CCSER1: variants seen among roughly 807,000 people sequenced by gnomAD.
CCSER1 encodes serine-rich coiled-coil domain-containing protein 1.
Under a neutral mutation model 82.0 loss-of-function variants are expected in CCSER1, and 41 were observed. That is an observed-to-expected ratio of 0.50 (90% CI 0.39 to 0.65). The LOEUF (loss-of-function observed/expected upper bound fraction) is 0.65. CCSER1 is among the 30% of genes least tolerant of loss of function. CCSER1 has a pLI of 0.00. For synonymous variants in CCSER1, 414 were observed against 383.9 expected (o/e 1.08, Z -0.92); for missense variants, 1,119 against 1,064.2 (o/e 1.05, Z -0.72).
In CCSER1 at chr4:90,179,872, T is replaced by C. The variant is rs1733398602; in HGVS notation, c.-42+52041T>C. On this transcript the variant is annotated intron_variant, in intron 1 of 10. Coordinates refer to ENST00000509176, the MANE Select transcript of CCSER1 (RefSeq NM_001145065.2). ...CTTAAGAACCTTTCATGGTTTTGTT[T>C]CTATGCGGATTTGGAACTTTCATGG... 2.0e-5 allele frequency among the ~76,000 whole-genome samples: 3 copies of C among 152,284 alleles called. No individual in the cohort carries two copies. The South Asian group carries it at 6.2e-4, about 32-fold the overall frequency.
chr4:90,210,756 A>G (rs903572561), intron 1 of CCSER1, among the ~76,000 whole-genome samples: 3 of 152,192 alleles, frequency 2.0e-5, no homozygotes, highest in Non-Finnish European at 2.9e-5. Context: ...GGCGTCTGCT[A>G]TCATTTCTAA....
At chr4:91,383,043 A>G (rs1392154151) in intron 10 of CCSER1, among the ~76,000 whole-genome samples, 1 of 152,018 alleles carries the variant, frequency 6.6e-6, no homozygotes, top group Admixed American at 6.6e-5. Flanking sequence ...TAAGATATCT[A>G]CATTTTTAAC....
intron 10 of CCSER1, among the ~76,000 whole-genome samples, chr4:91,508,407 G>A (rs1201159194): frequency 6.6e-6 from 1 of 151,578 alleles, no homozygotes; most frequent in East Asian, 1.9e-4. Flanking sequence ...TTACATGAAT[G>A]GAATTTTGTA....
At chr4:91,359,810 G>T (rs909033337) in intron 10 of CCSER1, among the ~76,000 whole-genome samples, 1 of 151,848 alleles carries the variant, frequency 6.6e-6, no homozygotes, top group African/African-American at 2.4e-5. Flanking sequence ...AACAAGAGCA[G>T]TTGTCATAGG....
intron 4 of CCSER1, among the ~76,000 whole-genome samples, chr4:90,408,798 T>C (rs1015076743): frequency 6.6e-6 from 1 of 152,060 alleles, no homozygotes; most frequent in African/African-American, 2.4e-5. Context: ...CTTTGATGAG[T>C]TGAGAGAAGA....
chr4:90,234,486 G>C (rs1745384690), intron 1 of CCSER1, among the ~76,000 whole-genome samples: 1 of 152,152 alleles, frequency 6.6e-6, no homozygotes, highest in Non-Finnish European at 1.5e-5. Flanking sequence ...CAAAGTGCTA[G>C]GATTACAGGC....
intron 3 of CCSER1, among the ~76,000 whole-genome samples, chr4:90,325,078 A>G (rs1390336830): frequency 6.6e-6 from 1 of 152,142 alleles, no homozygotes; most frequent in African/African-American, 2.4e-5. Context: ...TTCACATGTT[A>G]TTAAAACCAG....
intron 10 of CCSER1, among the ~76,000 whole-genome samples, chr4:91,549,848 A>G (rs1762076025): frequency 6.6e-6 from 1 of 151,750 alleles, no homozygotes; most frequent in African/African-American, 2.4e-5. Context: ...AAAATAAATG[A>G]GCCTTAGTCC....
At chr4:90,906,959 G>T (rs1725574259) in intron 8 of CCSER1, among the ~76,000 whole-genome samples, 1 of 152,068 alleles carries the variant, frequency 6.6e-6, no homozygotes, top group Non-Finnish European at 1.5e-5. Flanking sequence ...ACATCTTGAG[G>T]CTTAAAGGGG....
intron 9 of CCSER1, among the ~76,000 whole-genome samples, chr4:90,984,306 T>C (rs900018889): frequency 4.0e-5 from 6 of 151,786 alleles, no homozygotes; most frequent in Non-Finnish European, 8.8e-5. Flanking sequence ...AACAGAGTCA[T>C]AATTACTTCA....
intron 6 of CCSER1, among the ~76,000 whole-genome samples, chr4:90,636,495 G>A (rs182692939): frequency 5.9e-5 from 9 of 151,908 alleles, no homozygotes; most frequent in East Asian, 5.8e-4. Context: ...TAGTAAATAC[G>A]TGTAGCAATA....
chr4:91,047,945 T>C (rs970010686), intron 9 of CCSER1, among the ~76,000 whole-genome samples: 13 of 152,166 alleles, frequency 8.5e-5, no homozygotes, highest in Admixed American at 2.0e-4. Context: ...TGTTAATTTT[T>C]ATTAATAAAT....
At chr4:90,179,878 C>T (rs1035358949) in intron 1 of CCSER1, among the ~76,000 whole-genome samples, 1 of 151,892 alleles carries the variant, frequency 6.6e-6, no homozygotes, top group African/African-American at 2.4e-5. Context: ...TGTTTCTATG[C>T]GGATTTGGAA....
chr4:90,534,621 TA>T (rs1201270429), intron 5 of CCSER1, among the ~76,000 whole-genome samples: 2 of 152,226 alleles, frequency 1.3e-5, no homozygotes, highest in African/African-American at 2.4e-5. Context: ...CAGAGATACA[TA>T]AAAAAATAGG....
At chr4:90,598,354 G>A (rs1248672006) in intron 5 of CCSER1, among the ~76,000 whole-genome samples, 1 of 151,962 alleles carries the variant, frequency 6.6e-6, no homozygotes, top group Non-Finnish European at 1.5e-5. Context: ...GTGCCATGTT[G>A]GTGTGCTGCA....
At chr4:90,480,203 C>T (rs982142707) in intron 5 of CCSER1, among the ~76,000 whole-genome samples, 9 of 152,156 alleles carry the variant, frequency 5.9e-5, no homozygotes, top group East Asian at 1.9e-4. Context: ...TCATATCCTT[C>T]GACCACTTTT....
intron 1 of CCSER1, among the ~76,000 whole-genome samples, chr4:90,289,429 G>C (rs951544678): frequency 6.6e-6 from 1 of 151,778 alleles, no homozygotes; most frequent in Non-Finnish European, 1.5e-5. Context: ...ACATCAAATT[G>C]TTCAAAATAT....
At chr4:91,323,758 G>C (rs1351509958) in intron 10 of CCSER1, among the ~76,000 whole-genome samples, 1 of 152,152 alleles carries the variant, frequency 6.6e-6, no homozygotes, top group Non-Finnish European at 1.5e-5. Context: ...TAACAAGGAA[G>C]ACCTTGCTAG....
At chr4:90,986,382 G>A (rs968596041) in intron 9 of CCSER1, among the ~76,000 whole-genome samples, 1 of 151,590 alleles carries the variant, frequency 6.6e-6, no homozygotes, top group Non-Finnish European at 1.5e-5. Context: ...ATTCATATGA[G>A]GTAGTCTGAA....
Sources: gnomAD v4.1 joint callset for allele counts (sites outside exome capture counted in the v4.1 genomes callset) on GRCh38, gnomAD v4.1.1 for gene constraint, MANE v1.5 for transcripts, NCBI Gene and HGNC (gene_info 2026-07-23, HGNC 2026-07-21) for gene names.